Variants in ADAM23 observed in about 807,000 individuals in gnomAD.
ADAM23 encodes ADAM metallopeptidase domain 23, also known as disintegrin and metalloproteinase domain-containing protein 23.
ADAM23 carries 33 observed loss-of-function variants against 120.1 expected under a neutral mutation model. That is an observed-to-expected ratio of 0.27 (90% CI 0.21 to 0.37). The LOEUF is 0.37. ADAM23 is among the 10% of genes least tolerant of loss of function. The pLI, the probability that ADAM23 is intolerant of heterozygous loss-of-function variation, is 1.00. For missense variants in ADAM23, 862 were observed against 1,058.2 expected, an observed-to-expected ratio of 0.81 and a Z score of 2.57; for synonymous variants, 367 against 375.2, an observed-to-expected ratio of 0.98 and a Z score of 0.25.
chr2:206,615,765 T>C (rs911065493), intron 25 of ADAM23, among the ~76,000 whole-genome samples: 9 of 152,204 alleles, frequency 5.9e-5, no homozygotes, highest in African/African-American at 1.9e-4. Context: ...AGGTGCAACC[T>C]AAGCTTCAAA....
chr2:206,449,108 T>G (rs188589353), intron 2 of ADAM23, among the ~76,000 whole-genome samples: 2 of 152,282 alleles, frequency 1.3e-5, no homozygotes, highest in Admixed American at 1.3e-4. Context: ...AGGTGGTATG[T>G]GATGGAGAAT....
intron 20 of ADAM23, among the ~76,000 whole-genome samples, chr2:206,588,530 G>T (rs2276674): frequency 0.41 from 62,998 of 152,022 alleles, 13,534 homozygotes; most frequent in Non-Finnish European, 0.48. Context: ...TAGCTTTCTG[G>T]TTTTTACCGC....
intron 18 of ADAM23, among the ~76,000 whole-genome samples, chr2:206,580,399 C>T (rs549347271): frequency 3.3e-5 from 5 of 152,106 alleles, no homozygotes; most frequent in Admixed American, 1.3e-4. Flanking sequence ...CCTTGTATGC[C>T]GATTTTGCTG....
intron 4 of ADAM23, among the ~76,000 whole-genome samples, chr2:206,540,480 T>C (rs1297186840): frequency 6.6e-6 from 1 of 152,112 alleles, no homozygotes; most frequent in Non-Finnish European, 1.5e-5. Context: ...TATATTTATC[T>C]CTGTTTTCTC....
intron 3 of ADAM23, among the ~76,000 whole-genome samples, chr2:206,510,469 A>G (rs1283238879): frequency 1.3e-5 from 2 of 151,710 alleles, no homozygotes; most frequent in African/African-American, 4.9e-5. Flanking sequence ...TACATTGCCA[A>G]GATTTATTAA....
chr2:206,574,169 A>G (rs934032474), intron 18 of ADAM23, among the ~76,000 whole-genome samples: 5 of 152,150 alleles, frequency 3.3e-5, no homozygotes, highest in Admixed American at 2.0e-4. Flanking sequence ...TAACAACGTC[A>G]TCTTCATCAT....
At chr2:206,589,377 A>G in intron 20 of ADAM23, 32 bp from the exon 21 acceptor site, 1 of 1,580,498 alleles carries the variant, frequency 6.3e-7, no homozygotes, top group East Asian at 2.3e-5. Flanking sequence ...GAAAATGAAA[A>G]TTAATTTTCT....
At chr2:206,458,075 G>T (rs1320500843) in intron 2 of ADAM23, among the ~76,000 whole-genome samples, 1 of 152,228 alleles carries the variant, frequency 6.6e-6, no homozygotes, top group African/African-American at 2.4e-5. Context: ...CTGCTAGGCT[G>T]TATAGAATGT....
intron 3 of ADAM23, among the ~76,000 whole-genome samples, chr2:206,517,677 C>G (rs1443648195): frequency 6.6e-6 from 1 of 152,078 alleles, no homozygotes; most frequent in Non-Finnish European, 1.5e-5. Flanking sequence ...CCTGGAGTGG[C>G]CACTTCATTT....
intron 23 of ADAM23, 43 bp downstream of exon 23, chr2:206,594,948 G>T: frequency 6.2e-7 from 1 of 1,606,140 alleles, no homozygotes; most frequent in Non-Finnish European, 8.5e-7. Context: ...TCATGGTCTG[G>T]CATGGTCACA....
intron 3 of ADAM23, among the ~76,000 whole-genome samples, chr2:206,503,284 C>G (rs774758459): frequency 3.2e-4 from 48 of 152,122 alleles, no homozygotes; most frequent in Admixed American, 5.2e-4. Context: ...CATAGTTACT[C>G]TCTGTATGTT....
chr2:206,522,804 AT>A lies in ADAM23; in HGVS notation c.510-8068del, dbSNP rs5838025. 4.0e-3 allele frequency among the ~76,000 whole-genome samples: 588 copies of A among 146,758 alleles called. 3 individuals carry two copies. The highest frequency in any genetic ancestry group is 0.012 in the African/African-American group (492 of 39,986). On this transcript the variant is annotated intron_variant, in intron 3 of 25. Coordinates refer to ENST00000264377, the MANE Select transcript of ADAM23 (RefSeq NM_003812.4). ...TTGGATCCAGTTTTCCTTGTGTTTA[AT>A]TTTTTTTTTTTTGGTTTTATGACAT...
chr2:206,479,463 T>G (rs1695850483), intron 2 of ADAM23, among the ~76,000 whole-genome samples: 1 of 152,214 alleles, frequency 6.6e-6, no homozygotes, highest in Admixed American at 6.5e-5. Context: ...CTTAAGGATT[T>G]ATCTTATTCT....
intron 2 of ADAM23, among the ~76,000 whole-genome samples, chr2:206,452,850 C>T (rs16824772): frequency 0.11 from 16,326 of 152,032 alleles, 966 homozygotes; most frequent in Middle Eastern, 0.15. Flanking sequence ...TATAAATAGT[C>T]GCTGATTAAG....
rs1329631915 is a variant in ADAM23, at chr2:206,594,966, G to C, written c.2247+61G>C. 1.1e-5 allele frequency: 18 copies of C among 1,581,598 alleles called. No individual in the cohort carries two copies. In the East Asian group the frequency reaches 3.8e-4, roughly 34 times the overall value. ...TGGTCTGGCATGGTCACAGTGACTG[G>C]ACTTTAATTTCAGCCATTCTCCTAG... On this transcript the variant is annotated intron_variant, in intron 23 of 25. Transcript: ENST00000264377.
rs746690006 is a variant in ADAM23, at chr2:206,445,467, G to T, written c.375G>T (p.Ser125=). 6.2e-7 allele frequency: 1 copy of T among 1,614,074 alleles called. No homozygotes were observed. The highest frequency in any genetic ancestry group is 8.5e-7 in the Non-Finnish European group (1 of 1,180,004). ...SRLIYYINQD[S]ESPYHVLDTK... is the part of the protein sequence containing the mutation. ...TCATATATTACATCAACCAAGACTC[G>T]GAAAGCCCTTATCACGTTCTTGACA... Residue 125 remains serine, a synonymous_variant, in exon 2 of 26, where the codon TCG becomes TCT. Coordinates refer to ENST00000264377, the MANE Select transcript of ADAM23 (RefSeq NM_003812.4).
intron 2 of ADAM23, among the ~76,000 whole-genome samples, chr2:206,465,844 A>G (rs1243417203): frequency 6.6e-6 from 1 of 152,196 alleles, no homozygotes. Context: ...AGTGATTTAT[A>G]TAATGCTTCA....
rs754075810 is a variant in ADAM23 at position 206,543,304 on chromosome 2, G to C, written c.708G>C (p.Leu236=). Residue 236 remains leucine (L), a synonymous_variant, in exon 6 of 26, where the codon CTG becomes CTC. Transcript: ENST00000264377. The stretch of plus-strand genomic sequence containing the variant: ...TGTATATGATAGAGCCACTAGAGCT[G>C]GTTCATGATGAGGTGAGTCTATGCC... ...TFVYMIEPLE[L]VHDEKSTGRP... 2.5e-6 allele frequency: 4 copies of C among 1,613,984 alleles called. No individual in the cohort carries two copies. Among genetic ancestry groups the C allele is most frequent in the Non-Finnish European group, 2.5e-6 (3 of 1,179,896 alleles).
At chr2:206,503,681 C>G (rs1696436343) in intron 3 of ADAM23, among the ~76,000 whole-genome samples, 1 of 152,108 alleles carries the variant, frequency 6.6e-6, no homozygotes, top group Admixed American at 6.6e-5. Context: ...ATTCCTTTGG[C>G]AAAGTATACT....
Sources: gnomAD v4.1 joint callset for allele counts (sites outside exome capture counted in the v4.1 genomes callset) on GRCh38, gnomAD v4.1.1 for gene constraint, MANE v1.5 for transcripts, NCBI Gene and HGNC (gene_info 2026-07-23, HGNC 2026-07-21) for gene names.